The following MYO15A variants were observed in gnomAD, a reference collection of about 807,000 sequenced individuals.
MYO15A encodes the protein unconventional myosin-XV.
A neutral mutation model predicts 394.6 loss-of-function variants in MYO15A; 308 were observed. The observed-to-expected ratio is 0.78, with a 90% CI of 0.71 to 0.86. The LOEUF is 0.86. MYO15A is among the 40% of genes least tolerant of loss of function. The pLI, the probability that MYO15A is intolerant of heterozygous loss-of-function variation, is 0.00. For synonymous variants in MYO15A, 1,957 were observed against 2,003.8 expected, an observed-to-expected ratio of 0.98 and a Z score of 0.62; for missense variants, 4,606 against 4,799.1, an observed-to-expected ratio of 0.96 and a Z score of 1.19.
In MYO15A at chr17:18,135,782, C is replaced by A; in HGVS notation, c.4554C>A (p.Ile1518=). ...EIQAVAELLQ[I]SPEGLQKAIT... is the part of the protein sequence containing the mutation. ...AGGCCGTGGCAGAGCTGCTGCAGAT[C>A]TCCCCTGAGGGCCTGCAGAAGGCCA... is the stretch of plus-strand genomic sequence containing the variant. Residue 1518 remains isoleucine (I), a synonymous_variant, in exon 13 of 66, where the codon ATC becomes ATA. Coordinates refer to ENST00000647165, the MANE Select transcript of MYO15A (RefSeq NM_016239.4). 2 of 1,614,144 alleles carry A rather than the reference C, an allele frequency of 1.2e-6. No homozygotes were observed. The highest frequency in any genetic ancestry group is 1.7e-6 in the Non-Finnish European group (2 of 1,180,024).
Position 18,121,171 on chromosome 17 carries a change from C to A in MYO15A, c.2371C>A (p.Pro791Thr). Residue 791 changes from proline (P) to threonine (T), a missense_variant, in exon 2 of 66, where the codon CCC becomes ACC. Pro to Thr is a conservative substitution (Grantham distance 38). This residue lies in a region of MYO15A where 1,830 missense variants were observed against 1,689.7 expected (regional missense o/e 1.08). Coordinates refer to ENST00000647165, the MANE Select transcript of MYO15A (RefSeq NM_016239.4). The surrounding 1 kb of genome is among the most constrained non-coding windows in gnomAD (Gnocchi z 5.3). ...RSSPGLGYCS[P>T]LAPPSPQLSL... ...CTCGCCGGGCCTCGGCTACTGCTCA[C>A]CCTTGGCGCCCCCGTCGCCTCAGCT... 1 of 1,515,802 alleles carries A rather than the reference C, an allele frequency of 6.6e-7. No homozygotes were observed. Among genetic ancestry groups the A allele is most frequent in the Non-Finnish European group, 8.8e-7 (1 of 1,139,218 alleles). The allele number at this position is 1,515,802 out of a possible 1,614,324, so 93.9% of individuals were successfully genotyped here. A position where few individuals can be genotyped will look rare whatever the true frequency, so the allele number is the denominator to read the frequency against.
chr17:18,151,908 T>C lies in MYO15A; in HGVS notation c.7850T>C (p.Leu2617Pro), dbSNP rs1206013791. 2 of 1,573,762 alleles carry C rather than the reference T, an allele frequency of 1.3e-6. No homozygotes were observed. Among genetic ancestry groups the C allele is most frequent in the Non-Finnish European group, 8.6e-7 (1 of 1,159,384 alleles). Residue 2617 changes from leucine (L) to proline (P), a missense_variant, in exon 41 of 66, where the codon CTG becomes CCG. Coordinates refer to ENST00000647165, the MANE Select transcript of MYO15A (RefSeq NM_016239.4). ...CCTCATGAGGAGGCCCTGATGATCC[T>C]GAAAGGGCAGATGACCCACCTGGCA... is the stretch of plus-strand genomic sequence containing the variant. ...PDPHEEALMI[L>P]KGQMTHLAAA... is the part of the protein sequence containing the mutation.
At chr17:18,172,943 C>T (rs901546788) in intron 64 of MYO15A, among the ~76,000 whole-genome samples, 2 of 152,156 alleles carry the variant, frequency 1.3e-5, no homozygotes, top group Non-Finnish European at 2.9e-5. Context: ...CCTGTTACCC[C>T]CTTAGTTTTT....
rs2046443904 is a variant in MYO15A at position 18,144,600 on chromosome 17, G to T, written c.6273+8G>T. ...GTGAGCATCTTCAAGCTGGTATGGG[G>T]TCTGCCCCAGCCCACCTTCTAATTC... On this transcript the variant is annotated splice_region_variant and intron_variant, in intron 29 of 65. Transcript: ENST00000647165. 1.2e-6 allele frequency: 2 copies of T among 1,610,360 alleles called. No homozygotes were observed. Among genetic ancestry groups the T allele is most frequent in the Middle Eastern group, 1.7e-4 (1 of 5,894 alleles).
At chr17:18,127,834 GATATATATATAT>G (rs55650584) in intron 7 of MYO15A, among the ~76,000 whole-genome samples, 8 of 131,080 alleles carry the variant, frequency 6.1e-5, no homozygotes, top group Admixed American at 2.4e-4. Flanking sequence ...GAAAAAAAAA[GATATATATATAT>G]ATATATATAT....
At chr17:18,141,173 T>C in intron 22 of MYO15A, 30 bp downstream of exon 22, 1 of 1,612,118 alleles carries the variant, frequency 6.2e-7, no homozygotes, top group Non-Finnish European at 8.5e-7. Context: ...TCCTGAGCTC[T>C]ACAAATCCCT....
Position 18,151,010 on chromosome 17 carries a change from G to A in MYO15A, c.7473+97G>A, listed in dbSNP as rs921308770. 8 of 1,606,782 alleles carry A rather than the reference G, an allele frequency of 5.0e-6. No individual in the cohort carries two copies. In the Admixed American group the frequency reaches 6.7e-5, roughly 13 times the overall value. ...CCAGGGCACTATTGTGCCTCTTTGA[G>A]CCCAGGAGCTCCACAACCCATCTCT... On this transcript the variant is annotated intron_variant, in intron 38 of 65. Coordinates refer to ENST00000647165, the MANE Select transcript of MYO15A (RefSeq NM_016239.4).
rs758309944 is a variant in MYO15A at position 18,132,568 on chromosome 17, T to G, written c.4320+2T>G. 9 of 1,609,936 alleles carry G rather than the reference T, an allele frequency of 5.6e-6. No individual in the cohort carries two copies. The highest frequency in any genetic ancestry group is 6.8e-6 in the Non-Finnish European group (8 of 1,179,708). ...GAGACCTACTACTATCTGAACCAGGTGAGTGCCAGCAGGCATCTGAAGGCC... is the reference window on the plus strand; with the variant it reads ...GAGACCTACTACTATCTGAACCAGGGGAGTGCCAGCAGGCATCTGAAGGCC... On this transcript the variant is annotated splice_donor_variant, in intron 11 of 65. Coordinates refer to ENST00000647165, the MANE Select transcript of MYO15A (RefSeq NM_016239.4). LOFTEE classifies it high-confidence loss of function. The surrounding 1 kb of genome is among the most constrained non-coding windows in gnomAD (Gnocchi z 4.6).
chr17:18,138,881 A>T lies in MYO15A; in HGVS notation c.5078A>T (p.Lys1693Met), dbSNP rs1417610896. 1 of 1,613,576 alleles carries T rather than the reference A, an allele frequency of 6.2e-7. No homozygotes were observed. Among genetic ancestry groups the T allele is most frequent in the East Asian group, 2.2e-5 (1 of 44,874 alleles). The change falls in exon 18 of 66, where the codon AAG (lysine) becomes ATG (methionine). Residue 1693 changes from lysine (K) to methionine (M), a missense_variant. Physicochemically the swap from Lys to Met is moderately conservative, Grantham distance 95. Transcript: ENST00000647165. ...GCCAACCCGCTCTATTCCAAACCCA[A>T]GATGCCGCTGCCTGAGTTCACCATC... ...HGANPLYSKP[K>M]MPLPEFTIKH... is the part of the protein sequence containing the mutation.
At position 18,148,352 on chromosome 17, in the gene MYO15A, G is replaced by T. The variant is rs950833123; in HGVS notation, c.6691+142G>T. ...TGGCTCTGCGTGAAAGTCTGTGTGT[G>T]GGGGTGGGACCTGGCCCAGGAAAGG... is the stretch of plus-strand genomic sequence containing the variant. On this transcript the variant is annotated intron_variant, in intron 31 of 65. Transcript: ENST00000647165. This position sits in a 1 kb window ranked among gnomAD's most constrained non-coding sequence, Gnocchi z 4.8. 9 of 1,452,552 alleles carry T rather than the reference G, an allele frequency of 6.2e-6. No individual in the cohort carries two copies. The highest frequency in any genetic ancestry group is 2.0e-5 in the Admixed American group (1 of 50,972). The allele number at this position is 1,452,552 out of a possible 1,614,324, so 90.0% of individuals were successfully genotyped here. A position where few individuals can be genotyped will look rare whatever the true frequency, so the allele number is the denominator to read the frequency against.
At position 18,132,832 on chromosome 17, in the gene MYO15A, C is replaced by T. The variant is rs577978211; in HGVS notation, c.4320+266C>T. On this transcript the variant is annotated intron_variant, in intron 11 of 65. Transcript: ENST00000647165. This position sits in a 1 kb window ranked among gnomAD's most constrained non-coding sequence, Gnocchi z 4.6. The stretch of plus-strand genomic sequence containing the variant: ...ACCAGTCTAGAGTTTCTACACTTCC[C>T]CTCTCTGTGCCTCAGTTTCCTCACC... Among the ~76,000 whole-genome samples the T allele has an allele frequency of 6.6e-6, 1 of 152,200 alleles. No individual in the cohort carries two copies. Among genetic ancestry groups the T allele is most frequent in the Non-Finnish European group, 1.5e-5 (1 of 68,036 alleles).
chr17:18,166,026 T>A lies in MYO15A; in HGVS notation c.9788-335T>A, dbSNP rs78595471. Among the ~76,000 whole-genome samples the A allele has an allele frequency of 5.2e-3, 798 of 152,302 alleles. 8 individuals carry two copies. Among genetic ancestry groups the A allele is most frequent in the African/African-American group, 0.019 (776 of 41,570 alleles). ...AAAGGAGCTGGGCCTTCTCTGAGAA[T>A]AATGCAGGGCACTTTCCCAGATCCA... On this transcript the variant is annotated intron_variant, in intron 60 of 65. Transcript: ENST00000647165.
chr17:18,126,251 G>A lies in MYO15A; in HGVS notation c.3757-96G>A, dbSNP rs147233379. On this transcript the variant is annotated intron_variant, in intron 4 of 65. Transcript: ENST00000647165. Reference sequence around the variant, plus strand: ...AGTCCAGGCAGCCAGATATCTGTCCGGATGGAAACAGGGAGCCAGGCTCCC... The same window carrying A: ...AGTCCAGGCAGCCAGATATCTGTCCAGATGGAAACAGGGAGCCAGGCTCCC... 7.1e-4 allele frequency: 739 copies of A among 1,037,212 alleles called. 1 individual carries two copies. The African/African-American group carries it at 9.7e-3, about 14-fold the overall frequency. The allele number at this position is 1,037,212 out of a possible 1,614,324, so 64.3% of individuals were successfully genotyped here.
At chr17:18,152,543 T>C (rs1018641068) in intron 42 of MYO15A, among the ~76,000 whole-genome samples, 3 of 152,094 alleles carry the variant, frequency 2.0e-5, no homozygotes, top group African/African-American at 7.2e-5. Flanking sequence ...GTTGAAGCCC[T>C]AACCTCTACA....
intron 1 of MYO15A, among the ~76,000 whole-genome samples, chr17:18,116,262 C>T (rs889805741): frequency 6.6e-6 from 1 of 152,364 alleles, no homozygotes; most frequent in Non-Finnish European, 1.5e-5. Context: ...GGCCCTCCCC[C>T]TCCAGGCAGG....
At chr17:18,155,689 G>A (rs1414171778) in intron 47 of MYO15A, among the ~76,000 whole-genome samples, 1 of 152,182 alleles carries the variant, frequency 6.6e-6, no homozygotes, top group African/African-American at 2.4e-5. Flanking sequence ...CACAGCAGCA[G>A]CACTGTGCAG....
At position 18,148,362 on chromosome 17, in the gene MYO15A, C is replaced by T. The variant is rs2046517129; in HGVS notation, c.6692-134C>T. On this transcript the variant is annotated intron_variant, in intron 31 of 65. Coordinates refer to ENST00000647165, the MANE Select transcript of MYO15A (RefSeq NM_016239.4). This position sits in a 1 kb window ranked among gnomAD's most constrained non-coding sequence, Gnocchi z 4.8. ...TGAAAGTCTGTGTGTGGGGGTGGGA[C>T]CTGGCCCAGGAAAGGGGAGCCAGGG... 4.1e-6 allele frequency: 6 copies of T among 1,454,786 alleles called. No homozygotes were observed. The highest frequency in any genetic ancestry group is 2.3e-4 in the Middle Eastern group (1 of 4,432). The allele number at this position is 1,454,786 out of a possible 1,614,324, so 90.1% of individuals were successfully genotyped here.
intron 2 of MYO15A, 67 bp downstream of exon 2, chr17:18,122,476 G>T: frequency 1.3e-6 from 2 of 1,550,768 alleles, no homozygotes; most frequent in South Asian, 1.2e-5. Flanking sequence ...AAGAGAGACA[G>T]CCTGAGGAGC....
Position 18,156,340 on chromosome 17 carries a change from A to G in MYO15A, c.8601+4A>G, listed in dbSNP as rs777980679. On this transcript the variant is annotated splice_donor_region_variant and intron_variant, in intron 48 of 65. Transcript: ENST00000647165. The stretch of plus-strand genomic sequence containing the variant: ...CTTCATCTTGGAGCTGAAGAAGGTC[A>G]GGATCTTCTCACAGATCTTCCCTCC... The G allele has an allele frequency of 1.9e-6, 3 of 1,613,964 alleles. No homozygotes were observed. Among genetic ancestry groups the G allele is most frequent in the African/African-American group, 1.3e-5 (1 of 74,930 alleles).
Sources: allele counts gnomAD v4.1 joint callset (sites outside exome capture counted in the v4.1 genomes callset), GRCh38; gene constraint gnomAD v4.1.1; regional missense constraint gnomAD v4.1.1; non-coding constraint Gnocchi (gnomAD v3.1); transcripts MANE v1.5; gene names NCBI Gene and HGNC (gene_info 2026-07-23, HGNC 2026-07-21).